The following CGGBP1 variants were observed in gnomAD, a reference collection of about 807,000 sequenced individuals.
CGGBP1 encodes CGG triplet repeat binding protein 1, also known as CGG triplet repeat-binding protein 1.
Under a neutral mutation model 11.4 loss-of-function variants are expected in CGGBP1, and 4 were observed. The observed-to-expected ratio is 0.35, with a 90% CI of 0.17 to 0.80. The LOEUF (loss-of-function observed/expected upper bound fraction) is 0.80. Among genes scored for constraint, CGGBP1 ranks in the 30% least tolerant of loss-of-function variants. The pLI is 0.52. For synonymous variants in CGGBP1, 76 were observed against 74.1 expected, an observed-to-expected ratio of 1.03 and a Z score of -0.13; for missense variants, 135 against 202.1, an observed-to-expected ratio of 0.67 and a Z score of 2.01.
At chr3:88,137,068 G>A (rs575533394) in intron 2 of CGGBP1, among the ~76,000 whole-genome samples, 24 of 151,932 alleles carry the variant, frequency 1.6e-4, no homozygotes, top group Non-Finnish European at 1.6e-4. Flanking sequence ...GGTGGCTCAC[G>A]CCTGTAGTCC....
At chr3:88,097,565 T>C (rs972487465) in intron 2 of CGGBP1, among the ~76,000 whole-genome samples, 1 of 152,114 alleles carries the variant, frequency 6.6e-6, no homozygotes, top group Non-Finnish European at 1.5e-5. Context: ...ATTCCAAAAT[T>C]GACCACATAA....
At chr3:88,073,680 G>A (rs1350505538) in intron 2 of CGGBP1, among the ~76,000 whole-genome samples, 1 of 152,018 alleles carries the variant, frequency 6.6e-6, no homozygotes, top group Non-Finnish European at 1.5e-5. Context: ...ATAAATGGTG[G>A]GAGGAATAAT....
intron 2 of CGGBP1, chr3:88,057,564 T>G (rs1033834047): frequency 6.6e-5 from 10 of 152,198 alleles, no homozygotes; most frequent in Non-Finnish European, 1.3e-4. Flanking sequence ...TATAACCTAG[T>G]TGTGGTAAAT....
intron 2 of CGGBP1, among the ~76,000 whole-genome samples, chr3:88,116,735 G>C (rs993136345): frequency 6.6e-6 from 1 of 151,980 alleles, no homozygotes; most frequent in African/African-American, 2.4e-5. Context: ...AGGTAAGAAA[G>C]TCTTATAAGA....
At chr3:88,089,656 T>C (rs1386659625) in intron 2 of CGGBP1, among the ~76,000 whole-genome samples, 1 of 152,198 alleles carries the variant, frequency 6.6e-6, no homozygotes, top group African/African-American at 2.4e-5. Context: ...CTTTATTCTT[T>C]CAGGGCTGTT....
At chr3:88,078,105 T>G (rs146633597) in intron 2 of CGGBP1, among the ~76,000 whole-genome samples, 2 of 152,350 alleles carry the variant, frequency 1.3e-5, no homozygotes, top group East Asian at 3.9e-4. Flanking sequence ...CAAACTATTG[T>G]GAATATCGGA....
chr3:88,103,801 C>T (rs1704574733), intron 2 of CGGBP1, among the ~76,000 whole-genome samples: 1 of 126,762 alleles, frequency 7.9e-6, no homozygotes, highest in Admixed American at 9.3e-5. Flanking sequence ...GAGTCTTGCT[C>T]TGTCTCCCAG....
intron 1 of CGGBP1, among the ~76,000 whole-genome samples, chr3:88,147,918 A>T (rs1368574259): frequency 6.6e-6 from 1 of 152,176 alleles, no homozygotes; most frequent in Non-Finnish European, 1.5e-5. Context: ...CCTCGACAAA[A>T]GATTATCCTG....
At chr3:88,100,194 CATTT>C (rs1469520157) in intron 2 of CGGBP1, among the ~76,000 whole-genome samples, 1 of 152,186 alleles carries the variant, frequency 6.6e-6, no homozygotes, top group Non-Finnish European at 1.5e-5. Context: ...CAAAAGAAGA[CATTT>C]ATGCAGCCAA....
At chr3:88,090,382 G>A (rs1285026254) in intron 2 of CGGBP1, among the ~76,000 whole-genome samples, 1 of 151,896 alleles carries the variant, frequency 6.6e-6, no homozygotes, top group Non-Finnish European at 1.5e-5. Flanking sequence ...CAAGAAAAAT[G>A]TAAAATACAA....
chr3:88,091,581 G>A (rs947824062), intron 2 of CGGBP1, among the ~76,000 whole-genome samples: 1 of 152,100 alleles, frequency 6.6e-6, no homozygotes, highest in Admixed American at 6.6e-5. Flanking sequence ...TTGCCTGCTA[G>A]CTGATATGGT....
intron 2 of CGGBP1, among the ~76,000 whole-genome samples, chr3:88,069,248 C>T (rs550278234): frequency 2.0e-5 from 3 of 152,050 alleles, no homozygotes; most frequent in East Asian, 3.9e-4. Context: ...ATGGTGAAAC[C>T]CCATCTCTAC....
intron 2 of CGGBP1, among the ~76,000 whole-genome samples, chr3:88,075,503 T>C (rs2107628016): frequency 6.6e-6 from 1 of 152,374 alleles, no homozygotes; most frequent in East Asian, 1.9e-4. Flanking sequence ...TTGTTGTTTC[T>C]GAAGTCTGTG....
intron 2 of CGGBP1, among the ~76,000 whole-genome samples, chr3:88,066,974 G>C (rs1707237712): frequency 6.6e-6 from 1 of 152,054 alleles, no homozygotes; most frequent in Non-Finnish European, 1.5e-5. Flanking sequence ...CTAAATTTGG[G>C]AGGAGGTTGA....
At chr3:88,088,720 G>T (rs1279755497) in intron 2 of CGGBP1, among the ~76,000 whole-genome samples, 1 of 67,750 alleles carries the variant, frequency 1.5e-5, no homozygotes, top group Non-Finnish European at 3.8e-5. Context: ...GTAAGAGTGA[G>T]GCAGTTTAAA....
At chr3:88,126,638 A>G (rs1192632426) in intron 2 of CGGBP1, among the ~76,000 whole-genome samples, 1 of 136,842 alleles carries the variant, frequency 7.3e-6, no homozygotes, top group Non-Finnish European at 1.5e-5. Context: ...ATGAAAGCAC[A>G]TGGAATCTCA....
At chr3:88,139,794 G>A (rs1707006810) in intron 2 of CGGBP1, 1 of 1,555,810 alleles carries the variant, frequency 6.4e-7, no homozygotes, top group African/African-American at 1.4e-5. Flanking sequence ...TGAAGAAGGT[G>A]ATTATGAAGA....
intron 2 of CGGBP1, among the ~76,000 whole-genome samples, chr3:88,083,032 ACTC>A (rs1439636426): frequency 1.6e-5 from 2 of 126,836 alleles, no homozygotes; most frequent in Admixed American, 8.5e-5. Flanking sequence ...CCCCCTCCTC[ACTC>A]CTCCTCACTC....
At chr3:88,074,907 A>G (rs1707715370) in intron 2 of CGGBP1, among the ~76,000 whole-genome samples, 1 of 152,176 alleles carries the variant, frequency 6.6e-6, no homozygotes, top group Non-Finnish European at 1.5e-5. Flanking sequence ...GCCAGTGTCC[A>G]TAACTTGTGC....
Sources: allele counts gnomAD v4.1 joint callset (sites outside exome capture counted in the v4.1 genomes callset), GRCh38; gene constraint gnomAD v4.1.1; transcripts MANE v1.5; gene names NCBI Gene and HGNC (gene_info 2026-07-23, HGNC 2026-07-21).